The following PAK5 variants were observed in gnomAD, a reference collection of about 807,000 sequenced individuals.
The protein encoded by PAK5 is serine/threonine-protein kinase PAK 5.
PAK5 carries 16 observed loss-of-function variants against 65.9 expected under a neutral mutation model. The observed-to-expected ratio is 0.24, with a 90% CI of 0.16 to 0.37. PAK5 has a LOEUF of 0.37. Among genes scored for constraint, PAK5 ranks in the 10% least tolerant of loss-of-function variants. The pLI is 1.00. For missense variants in PAK5, 785 were observed against 903.9 expected (o/e 0.87, Z 1.69); for synonymous variants, 371 against 354.9 (o/e 1.05, Z -0.51).
chr20:9,703,189 C>G (rs894528123), intron 2 of PAK5, among the ~76,000 whole-genome samples: 2 of 152,284 alleles, frequency 1.3e-5, no homozygotes, highest in African/African-American at 4.8e-5. Flanking sequence ...AGAACCACCC[C>G]AGAAAACTAT....
At chr20:9,669,282 T>C (rs956017663) in intron 2 of PAK5, among the ~76,000 whole-genome samples, 2 of 152,194 alleles carry the variant, frequency 1.3e-5, no homozygotes, top group Non-Finnish European at 2.9e-5. Context: ...ATTTACTTGC[T>C]AGTTTTTATT....
At chr20:9,714,724 C>T (rs1244882139) in intron 1 of PAK5, among the ~76,000 whole-genome samples, 5 of 152,054 alleles carry the variant, frequency 3.3e-5, no homozygotes, top group Non-Finnish European at 5.9e-5. Flanking sequence ...AGAACAGAAC[C>T]CTCAGAAATA....
intron 1 of PAK5, among the ~76,000 whole-genome samples, chr20:9,746,629 T>C (rs2048511546): frequency 1.3e-5 from 2 of 152,186 alleles, no homozygotes; most frequent in African/African-American, 2.4e-5. Context: ...CATTAGCCAT[T>C]AGCCACAGTG....
chr20:9,717,912 G>T (rs988432406), intron 1 of PAK5, among the ~76,000 whole-genome samples: 3 of 152,132 alleles, frequency 2.0e-5, no homozygotes, highest in Non-Finnish European at 4.4e-5. Context: ...GAGCCACAGC[G>T]CTCGGCCGCC....
At chr20:9,661,376 C>T (rs2047344317) in intron 2 of PAK5, among the ~76,000 whole-genome samples, 1 of 152,158 alleles carries the variant, frequency 6.6e-6, no homozygotes, top group African/African-American at 2.4e-5. Context: ...GTTCCTTTAT[C>T]TGCCTAAGAT....
intron 2 of PAK5, among the ~76,000 whole-genome samples, chr20:9,647,003 T>C (rs557404077): frequency 9.9e-5 from 15 of 151,196 alleles, no homozygotes; most frequent in South Asian, 6.2e-4. Flanking sequence ...CAAATAAATG[T>C]TTTTTTGCTT....
chr20:9,703,764 T>C (rs1279447887), intron 2 of PAK5, among the ~76,000 whole-genome samples: 4 of 151,954 alleles, frequency 2.6e-5, no homozygotes, highest in Non-Finnish European at 5.9e-5. Context: ...TCCACTCTAA[T>C]ACAAGGTCCA....
chr20:9,639,086 T>C, intron 3 of PAK5, among the ~76,000 whole-genome samples: 1 of 152,194 alleles, frequency 6.6e-6, no homozygotes, highest in East Asian at 1.9e-4. Flanking sequence ...CATTTATTCA[T>C]TACTTCTTAT....
At chr20:9,609,654 T>G (rs2046521530) in intron 3 of PAK5, among the ~76,000 whole-genome samples, 1 of 152,172 alleles carries the variant, frequency 6.6e-6, no homozygotes. Flanking sequence ...GTTTTTGCAT[T>G]TGGGCACTGG....
At chr20:9,666,947 A>T (rs924092151) in intron 2 of PAK5, among the ~76,000 whole-genome samples, 1 of 152,186 alleles carries the variant, frequency 6.6e-6, no homozygotes, top group African/African-American at 2.4e-5. Context: ...GTGATAGATT[A>T]AACATGGCTG....
At chr20:9,607,614 C>A (rs528010915) in intron 3 of PAK5, among the ~76,000 whole-genome samples, 1 of 151,988 alleles carries the variant, frequency 6.6e-6, no homozygotes, top group South Asian at 2.1e-4. Flanking sequence ...ATCACTTGGG[C>A]CCAGGAATTA....
chr20:9,735,902 A>AT (rs36113165), intron 1 of PAK5, among the ~76,000 whole-genome samples: 36,902 of 136,838 alleles, frequency 0.27, 5,224 homozygotes, highest in African/African-American at 0.38. Context: ...GAAACAATCT[A>AT]TTTTTTTTTT....
intron 4 of PAK5, among the ~76,000 whole-genome samples, chr20:9,575,957 G>C (rs537145438): frequency 1.4e-4 from 21 of 152,324 alleles, no homozygotes; most frequent in Admixed American, 7.2e-4. Context: ...CTGTAGAGCA[G>C]AGGTGATCCT....
rs1979332509 is a variant in PAK5, at chr20:9,838,430, C to G, written c.-162+332G>C. Among the ~76,000 whole-genome samples, 1 of 152,138 alleles carries G rather than the reference C, an allele frequency of 6.6e-6. No homozygotes were observed. Among genetic ancestry groups the G allele is most frequent in the South Asian group, 2.1e-4 (1 of 4,832 alleles). ...CTGGGCTTGCGAGCAGTTCGGGGTA[C>G]CAGCACGCTCTCAGGGCTGGAATCC... On this transcript the variant is annotated intron_variant, in intron 1 of 9. Coordinates refer to ENST00000353224, the MANE Select transcript of PAK5 (RefSeq NM_177990.4). This position sits in a 1 kb window ranked among gnomAD's most constrained non-coding sequence, Gnocchi z 4.5.
intron 3 of PAK5, among the ~76,000 whole-genome samples, chr20:9,584,590 C>T (rs1464839750): frequency 6.6e-6 from 1 of 152,236 alleles, no homozygotes; most frequent in Non-Finnish European, 1.5e-5. Context: ...GGATTACAGG[C>T]GTGAGCCACA....
intron 2 of PAK5, among the ~76,000 whole-genome samples, chr20:9,658,532 A>G (rs2047300619): frequency 1.3e-5 from 2 of 152,186 alleles, no homozygotes; most frequent in South Asian, 2.1e-4. Flanking sequence ...CGCAGATTCA[A>G]TGGGTGGGGA....
intron 2 of PAK5, among the ~76,000 whole-genome samples, chr20:9,709,275 A>T (rs1157826717): frequency 6.6e-6 from 1 of 152,152 alleles, no homozygotes; most frequent in African/African-American, 2.4e-5. Flanking sequence ...GGAAAGGGTT[A>T]ACTTGTGCAC....
intron 1 of PAK5, among the ~76,000 whole-genome samples, chr20:9,806,767 A>G (rs1452594135): frequency 6.6e-6 from 1 of 152,206 alleles, no homozygotes; most frequent in African/African-American, 2.4e-5. Flanking sequence ...ATTATTATTC[A>G]TATTATATTA....
intron 3 of PAK5, among the ~76,000 whole-genome samples, chr20:9,604,707 C>T (rs184391041): frequency 6.6e-6 from 1 of 152,174 alleles, no homozygotes; most frequent in Non-Finnish European, 1.5e-5. Flanking sequence ...GTCCCTTTGC[C>T]ACCCACACAC....
Sources: gnomAD v4.1 joint callset for allele counts (sites outside exome capture counted in the v4.1 genomes callset) on GRCh38, gnomAD v4.1.1 for gene constraint, Gnocchi (gnomAD v3.1) non-coding constraint, MANE v1.5 for transcripts, NCBI Gene and HGNC (gene_info 2026-07-23, HGNC 2026-07-21) for gene names.